MIPOL1: variants seen among roughly 807,000 people sequenced by gnomAD.
MIPOL1 encodes the protein mirror-image polydactyly 1.
MIPOL1 carries 57 observed loss-of-function variants against 60.9 expected under a neutral mutation model. The ratio of observed to expected loss-of-function variants is 0.94; its 90% confidence interval spans 0.76 to 1.17. The LOEUF (loss-of-function observed/expected upper bound fraction) is 1.17, where lower values mean the gene tolerates loss of function less well. Among genes scored for constraint, MIPOL1 ranks in the 50% most tolerant of loss-of-function variants. MIPOL1 has a pLI of 0.00. For synonymous variants in MIPOL1, 179 were observed against 168.8 expected (o/e 1.06, Z -0.47); for missense variants, 551 against 511.6 (o/e 1.08, Z -0.74).
At chr14:37,461,361 A>G (rs943111423) in intron 11 of MIPOL1, among the ~76,000 whole-genome samples, 2 of 152,158 alleles carry the variant, frequency 1.3e-5, no homozygotes, top group Non-Finnish European at 2.9e-5. Context: ...ATCAGATCAC[A>G]TGAGACCCAT....
intron 9 of MIPOL1, among the ~76,000 whole-genome samples, chr14:37,333,054 T>C (rs1308060531): frequency 6.6e-6 from 1 of 152,208 alleles, no homozygotes; most frequent in Non-Finnish European, 1.5e-5. Flanking sequence ...GATAATTTTA[T>C]GCAGTTATGA....
intron 1 of MIPOL1, among the ~76,000 whole-genome samples, chr14:37,239,601 A>G (rs558382064): frequency 1.3e-5 from 2 of 152,224 alleles, no homozygotes; most frequent in East Asian, 3.9e-4. Context: ...AATAAAACTA[A>G]TTGTTTCTTC....
chr14:37,410,545 A>G (rs898640255), intron 10 of MIPOL1, among the ~76,000 whole-genome samples: 3 of 152,146 alleles, frequency 2.0e-5, no homozygotes, highest in African/African-American at 7.2e-5. Context: ...ATGGTTCTAT[A>G]AGGAACCTCC....
intron 6 of MIPOL1, among the ~76,000 whole-genome samples, chr14:37,273,567 T>C (rs1189331338): frequency 6.6e-6 from 1 of 151,270 alleles, no homozygotes; most frequent in African/African-American, 2.4e-5. Flanking sequence ...ATATATATAT[T>C]AGTCCATCTT....
At chr14:37,289,561 A>G (rs1369264609) in intron 7 of MIPOL1, among the ~76,000 whole-genome samples, 1 of 152,240 alleles carries the variant, frequency 6.6e-6, no homozygotes, top group African/African-American at 2.4e-5. Context: ...GACAATGGAT[A>G]CAGATGAAGA....
At chr14:37,380,172 G>A (rs1246563252) in intron 10 of MIPOL1, among the ~76,000 whole-genome samples, 2 of 152,128 alleles carry the variant, frequency 1.3e-5, no homozygotes, top group African/African-American at 4.8e-5. Context: ...AGTTGGAAAA[G>A]CGGAGAGAAA....
At chr14:37,214,941 C>CTG (rs1250957475) in intron 1 of MIPOL1, among the ~76,000 whole-genome samples, 6 of 151,976 alleles carry the variant, frequency 3.9e-5, no homozygotes, top group Admixed American at 6.6e-5. Flanking sequence ...GAGGGCCTGA[C>CTG]ATCAGTCAGG....
chr14:37,316,094 T>G (rs543968267), intron 9 of MIPOL1, among the ~76,000 whole-genome samples: 1 of 151,802 alleles, frequency 6.6e-6, no homozygotes, highest in South Asian at 2.1e-4. Flanking sequence ...TGGCGTGATA[T>G]AAGCTCACCG....
At chr14:37,297,678 C>T (rs1679822633) in intron 7 of MIPOL1, among the ~76,000 whole-genome samples, 1 of 151,910 alleles carries the variant, frequency 6.6e-6, no homozygotes, top group Non-Finnish European at 1.5e-5. Flanking sequence ...AACAGAGAGC[C>T]AAATCATGAG....
Position 37,198,079 on chromosome 14 carries a change from C to T in MIPOL1, c.-224C>T, listed in dbSNP as rs973186107. The stretch of plus-strand genomic sequence containing the variant: ...CTCGGCAAGCGCGCAGTGTCGACTC[C>T]CCGGTCTATGCCAGGCGCATCTCAG... On this transcript the variant is annotated 5_prime_UTR_variant, in exon 1 of 13. Coordinates refer to ENST00000684589, the MANE Select transcript of MIPOL1 (RefSeq NM_001388067.1). 6.6e-6 allele frequency: 1 copy of T among 152,388 alleles called. No homozygotes were observed. Among genetic ancestry groups the T allele is most frequent in the South Asian group, 2.1e-4 (1 of 4,838 alleles). The allele number at this position is 152,388 out of a possible 1,614,324, so 9.4% of individuals were successfully genotyped here.
rs918029230 is a variant in MIPOL1, at chr14:37,289,826, A to G, written c.623+4379A>G. On this transcript the variant is annotated intron_variant, in intron 7 of 12. Transcript: ENST00000684589. ...AAAGTCACAACGTTTTAATCATGCA[A>G]CCCTCTTCATGACCAGCCTCCATCC... Among the ~76,000 whole-genome samples, 7 of 152,224 alleles carry G rather than the reference A, an allele frequency of 4.6e-5. No individual in the cohort carries two copies. The East Asian group carries it at 9.7e-4, about 21-fold the overall frequency.
chr14:37,404,332 T>A (rs2093549769), intron 10 of MIPOL1, among the ~76,000 whole-genome samples: 1 of 152,158 alleles, frequency 6.6e-6, no homozygotes, highest in Non-Finnish European at 1.5e-5. Context: ...AAGACACTGG[T>A]ATTTAGTCAT....
At chr14:37,524,858 G>T (rs904907024) in intron 12 of MIPOL1, among the ~76,000 whole-genome samples, 1 of 151,776 alleles carries the variant, frequency 6.6e-6, no homozygotes, top group African/African-American at 2.4e-5. Context: ...ATGAACCACC[G>T]CACCCGGCCT....
At chr14:37,448,389 A>T (rs2094369115) in intron 11 of MIPOL1, among the ~76,000 whole-genome samples, 1 of 152,218 alleles carries the variant, frequency 6.6e-6, no homozygotes, top group Non-Finnish European at 1.5e-5. Flanking sequence ...TGGTATTTGT[A>T]GTAGTTTATT....
At chr14:37,339,891 A>G (rs1478397843) in intron 9 of MIPOL1, among the ~76,000 whole-genome samples, 3 of 152,202 alleles carry the variant, frequency 2.0e-5, no homozygotes, top group African/African-American at 7.2e-5. Flanking sequence ...AATAGTCTAC[A>G]TCTTAATTAG....
At chr14:37,501,240 T>C (rs2095211264) in intron 12 of MIPOL1, among the ~76,000 whole-genome samples, 1 of 152,230 alleles carries the variant, frequency 6.6e-6, no homozygotes, top group African/African-American at 2.4e-5. Context: ...AGTCAGAAAC[T>C]ATATGCAGTT....
intron 1 of MIPOL1, among the ~76,000 whole-genome samples, chr14:37,226,649 A>G (rs956558347): frequency 6.6e-6 from 1 of 152,088 alleles, no homozygotes; most frequent in South Asian, 2.1e-4. Context: ...CAGCAAAACC[A>G]TATCACTGGG....
chr14:37,460,264 C>T (rs989845961), intron 11 of MIPOL1, among the ~76,000 whole-genome samples: 1 of 151,946 alleles, frequency 6.6e-6, no homozygotes, highest in Non-Finnish European at 1.5e-5. Flanking sequence ...AGACAAAAAC[C>T]TTATGATCAT....
chr14:37,297,639 C>T (rs2085883282), intron 7 of MIPOL1, among the ~76,000 whole-genome samples: 1 of 152,130 alleles, frequency 6.6e-6, no homozygotes, highest in African/African-American at 2.4e-5. Flanking sequence ...TCAAAAATCA[C>T]AAGCATTCTT....
Sources: gnomAD v4.1 joint callset for allele counts (sites outside exome capture counted in the v4.1 genomes callset) on GRCh38, gnomAD v4.1.1 for gene constraint, MANE v1.5 for transcripts, NCBI Gene and HGNC (gene_info 2026-07-23, HGNC 2026-07-21) for gene names.